SDK1: variants seen among roughly 807,000 people sequenced by gnomAD.
The protein encoded by SDK1 is protein sidekick-1.
Under a neutral mutation model 245.5 loss-of-function variants are expected in SDK1, and 157 were observed. That is an observed-to-expected ratio of 0.64 (90% confidence interval 0.56 to 0.73). The LOEUF (loss-of-function observed/expected upper bound fraction) is 0.73, where lower values mean the gene tolerates loss of function less well. Among genes scored for constraint, SDK1 ranks in the 30% least tolerant of loss-of-function variants. SDK1 has a pLI of 0.00. For synonymous variants in SDK1, 1,647 were observed against 1,278.5 expected (o/e 1.29, Z -6.15); for missense variants, 3,583 against 3,002.3 (o/e 1.19, Z -4.52).
chr7:3,937,658 C>G (rs532862119), intron 5 of SDK1, among the ~76,000 whole-genome samples: 1 of 152,312 alleles, frequency 6.6e-6, no homozygotes, highest in African/African-American at 2.4e-5. Flanking sequence ...TTGAAAAGAG[C>G]TTTGTGCCAG....
At chr7:4,162,356 G>GGTTGTTGTT (rs373778675) in intron 32 of SDK1, among the ~76,000 whole-genome samples, 43 of 121,946 alleles carry the variant, frequency 3.5e-4, no homozygotes, top group Non-Finnish European at 6.1e-4. Context: ...TGGTGGTGGT[G>GGTTGTTGTT]GTTGTTGTTG....
chr7:4,156,343 CT>C (rs1780734868), intron 30 of SDK1, among the ~76,000 whole-genome samples: 1 of 152,192 alleles, frequency 6.6e-6, no homozygotes, highest in Non-Finnish European at 1.5e-5. Context: ...TTTGTTTTAA[CT>C]TAGCAAAGGC....
chr7:3,637,311 G>A (rs1374476794), intron 2 of SDK1, among the ~76,000 whole-genome samples: 1 of 152,120 alleles, frequency 6.6e-6, no homozygotes, highest in Non-Finnish European at 1.5e-5. Flanking sequence ...TGGCTAAGCT[G>A]GTGTCAAACT....
At chr7:3,580,553 C>G (rs1780445902) in intron 1 of SDK1, among the ~76,000 whole-genome samples, 1 of 152,122 alleles carries the variant, frequency 6.6e-6, no homozygotes, top group African/African-American at 2.4e-5. Context: ...AAAGGATTCC[C>G]TATTCAATAA....
chr7:3,949,166 G>C (rs1252813124), intron 5 of SDK1, among the ~76,000 whole-genome samples: 1 of 152,230 alleles, frequency 6.6e-6, no homozygotes, highest in Admixed American at 6.5e-5. Flanking sequence ...GTCCGCTGCA[G>C]AGTTGGAGAG....
chr7:3,464,488 T>C (rs1441569580), intron 1 of SDK1, among the ~76,000 whole-genome samples: 1 of 152,138 alleles, frequency 6.6e-6, no homozygotes, highest in African/African-American at 2.4e-5. Context: ...GCCACTGCAC[T>C]CCAGCCTGGG....
At chr7:4,134,506 G>C (rs921555965) in intron 28 of SDK1, among the ~76,000 whole-genome samples, 1 of 152,226 alleles carries the variant, frequency 6.6e-6, no homozygotes, top group Non-Finnish European at 1.5e-5. Flanking sequence ...CCAGGCATCA[G>C]CCTTTTCTGG....
intron 1 of SDK1, among the ~76,000 whole-genome samples, chr7:3,435,608 G>T (rs6965147): frequency 0.38 from 58,108 of 151,646 alleles, 12,445 homozygotes; most frequent in South Asian, 0.49. Flanking sequence ...CAGGCAATCC[G>T]CCCGCTTCGG....
chr7:3,301,854 C>T lies in SDK1; in HGVS notation c.268C>T (p.Gln90Ter), dbSNP rs1262183511. ...RRGWWALLAL[Q>*]LHLLRALAQD... ...CGGCTGGTGGGCGCTGCTGGCGCTG[C>T]AGCTGCACTTGCTCCGGGCGCTGGC... Residue 90 changes from glutamine to a stop codon, truncating the protein, a stop_gained, in exon 1 of 45, where the codon CAG (glutamine) becomes TAG (stop). Coordinates refer to ENST00000404826, the MANE Select transcript of SDK1 (RefSeq NM_152744.4). LOFTEE classifies it high-confidence loss of function. The T allele has an allele frequency of 4.4e-6, 5 of 1,135,196 alleles. No homozygotes were observed. The highest frequency in any genetic ancestry group is 5.4e-6 in the Non-Finnish European group (5 of 926,948). 70.3% of individuals were successfully genotyped at this position (1,135,196 alleles called of 1,614,324 possible).
intron 4 of SDK1, among the ~76,000 whole-genome samples, chr7:3,662,889 T>A (rs749621193): frequency 6.6e-6 from 1 of 152,186 alleles, no homozygotes; most frequent in Non-Finnish European, 1.5e-5. Context: ...GTATGCATTA[T>A]GCAGATACTT....
chr7:3,308,598 C>A (rs1779476434), intron 1 of SDK1, among the ~76,000 whole-genome samples: 1 of 152,058 alleles, frequency 6.6e-6, no homozygotes, highest in Admixed American at 6.5e-5. Context: ...GGTAGATGAA[C>A]ATGGGTAAGA....
At chr7:3,402,334 A>G (rs983642609) in intron 1 of SDK1, among the ~76,000 whole-genome samples, 6 of 152,302 alleles carry the variant, frequency 3.9e-5, no homozygotes, top group African/African-American at 1.4e-4. Context: ...GTACTTCAGT[A>G]GTTTTTATTG....
At chr7:3,590,646 C>T (rs1302097146) in intron 1 of SDK1, among the ~76,000 whole-genome samples, 1 of 152,162 alleles carries the variant, frequency 6.6e-6, no homozygotes, top group East Asian at 1.9e-4. Context: ...GTGGTATCCT[C>T]CAGTTCCTTT....
At chr7:3,351,003 C>A (rs4391325) in intron 1 of SDK1, among the ~76,000 whole-genome samples, 58,385 of 151,960 alleles carry the variant, frequency 0.38, 11,448 homozygotes, top group African/African-American at 0.46. Context: ...ATATCTGATA[C>A]TACATACATA....
At chr7:4,165,803 T>C (rs1213357997) in intron 32 of SDK1, among the ~76,000 whole-genome samples, 1 of 151,784 alleles carries the variant, frequency 6.6e-6, no homozygotes, top group Non-Finnish European at 1.5e-5. Context: ...TGTTTTCTTT[T>C]AAAGACAGGG....
chr7:4,175,574 G>A (rs585150), intron 33 of SDK1, among the ~76,000 whole-genome samples: 5,714 of 152,340 alleles, frequency 0.038, 175 homozygotes, highest in Non-Finnish European at 0.057. Flanking sequence ...TGTTGTTTAC[G>A]AGGAGGTGCG....
At chr7:3,754,569 T>C (rs1174057811) in intron 4 of SDK1, among the ~76,000 whole-genome samples, 3 of 152,146 alleles carry the variant, frequency 2.0e-5, no homozygotes, top group Admixed American at 1.3e-4. Flanking sequence ...GTATCCCCTG[T>C]TCCCTGCATT....
At chr7:3,407,533 A>G (rs201219069) in intron 1 of SDK1, among the ~76,000 whole-genome samples, 2 of 152,142 alleles carry the variant, frequency 1.3e-5, no homozygotes, top group Non-Finnish European at 2.9e-5. Context: ...TAGTGGCGGG[A>G]TACTTACATC....
chr7:3,569,963 T>C (rs1445657927), intron 1 of SDK1, among the ~76,000 whole-genome samples: 1 of 152,184 alleles, frequency 6.6e-6, no homozygotes, highest in African/African-American at 2.4e-5. Flanking sequence ...AGTGTTTTTC[T>C]CTCACTTTGG....
Sources: allele counts gnomAD v4.1 joint callset (sites outside exome capture counted in the v4.1 genomes callset), GRCh38; gene constraint gnomAD v4.1.1; transcripts MANE v1.5; gene names NCBI Gene and HGNC (gene_info 2026-07-23, HGNC 2026-07-21).